Variants in CAMTA1 observed in about 807,000 individuals in gnomAD.
CAMTA1 encodes the protein calmodulin binding transcription activator 1.
In CAMTA1, 27 loss-of-function variants were observed where a neutral mutation model predicts 170.9. The ratio of observed to expected loss-of-function variants is 0.16; its 90% CI spans 0.12 to 0.22. CAMTA1 has a LOEUF of 0.22. Ranked by LOEUF, CAMTA1 falls within the 10% of genes least tolerant of loss-of-function variation. CAMTA1 has a pLI of 1.00. For missense variants in CAMTA1, 1,619 were observed against 2,217.2 expected, an observed-to-expected ratio of 0.73 and a Z score of 5.42; for synonymous variants, 833 against 891.5, an observed-to-expected ratio of 0.93 and a Z score of 1.17.
In CAMTA1 at chr1:7,214,498, T is replaced by C. The variant is rs190282482; in HGVS notation, c.303-34993T>C. On this transcript the variant is annotated intron_variant, in intron 4 of 22. Transcript: ENST00000303635. Reference sequence around the variant, plus strand: ...TCTCCTGCCTCAGCCTCCCAAGTAGTGGGGACTATAGGTGCCTACCACCAC... The same window carrying C: ...TCTCCTGCCTCAGCCTCCCAAGTAGCGGGGACTATAGGTGCCTACCACCAC... Among the ~76,000 whole-genome samples, 1,196 of 152,134 alleles carry C rather than the reference T, an allele frequency of 7.9e-3. 16 individuals are homozygous for C. The highest frequency in any genetic ancestry group is 0.026 in the African/African-American group (1,098 of 41,498).
intron 3 of CAMTA1, among the ~76,000 whole-genome samples, chr1:7,060,671 T>C (rs1708070105): frequency 6.6e-6 from 1 of 152,120 alleles, no homozygotes; most frequent in South Asian, 2.1e-4. Context: ...GCCCCTGAGG[T>C]GCTCACGGCC....
chr1:7,159,451 C>A (rs1214111296), intron 4 of CAMTA1, among the ~76,000 whole-genome samples: 1 of 152,152 alleles, frequency 6.6e-6, no homozygotes, highest in Admixed American at 6.6e-5. Context: ...CCATGCCCCA[C>A]AGGCTACCGA....
chr1:7,690,661 C>G (rs1439551077), intron 11 of CAMTA1, among the ~76,000 whole-genome samples: 1 of 152,256 alleles, frequency 6.6e-6, no homozygotes, highest in African/African-American at 2.4e-5. Context: ...TGCACATGCA[C>G]CACCTGCCAG....
At chr1:7,280,364 C>T (rs1243367724) in intron 5 of CAMTA1, among the ~76,000 whole-genome samples, 1 of 152,230 alleles carries the variant, frequency 6.6e-6, no homozygotes, top group Non-Finnish European at 1.5e-5. Context: ...CCCAAGCTCC[C>T]TGCTTATAGG....
chr1:7,397,301 T>C (rs1170766907), intron 5 of CAMTA1, among the ~76,000 whole-genome samples: 3 of 152,182 alleles, frequency 2.0e-5, no homozygotes, highest in Admixed American at 2.0e-4. Flanking sequence ...TAGTCTCTTA[T>C]GATCCTTTGT....
chr1:6,830,634 C>T (rs371555222), intron 3 of CAMTA1, among the ~76,000 whole-genome samples: 2 of 152,062 alleles, frequency 1.3e-5, no homozygotes, highest in African/African-American at 4.8e-5. Flanking sequence ...TGAGCCACGG[C>T]GCCCAGCTTA....
chr1:7,093,161 G>C lies in CAMTA1; in HGVS notation c.302+1790G>C, dbSNP rs1371794940. On this transcript the variant is annotated intron_variant, in intron 4 of 22. Transcript: ENST00000303635. This position sits in a 1 kb window ranked among gnomAD's most constrained non-coding sequence, Gnocchi z 4.6. ...CTTGGAGGACATCATTCTCAAACTTGAGCAGGCATCAGAATCAGCTGAGGG... is the reference window on the plus strand; with the variant it reads ...CTTGGAGGACATCATTCTCAAACTTCAGCAGGCATCAGAATCAGCTGAGGG... Among the ~76,000 whole-genome samples, 1 of 152,136 alleles carries C rather than the reference G, an allele frequency of 6.6e-6. No individual in the cohort carries two copies. Among genetic ancestry groups the C allele is most frequent in the African/African-American group, 2.4e-5 (1 of 41,422 alleles).
rs1008094622 is a variant in CAMTA1 at position 7,295,935 on chromosome 1, C to A, written c.438+46309C>A. Among the ~76,000 whole-genome samples, 5 of 152,242 alleles carry A rather than the reference C, an allele frequency of 3.3e-5. 1 individual carries two copies. The South Asian group carries it at 1.0e-3, about 32-fold the overall frequency. On this transcript the variant is annotated intron_variant, in intron 5 of 22. Coordinates refer to ENST00000303635, the MANE Select transcript of CAMTA1 (RefSeq NM_015215.4). ...GCATAGCTCTGCTGATCCTCCCACT[C>A]AGGGCTCCTTACAAGGCTACCGAAA...
chr1:7,367,710 G>A (rs998232820), intron 5 of CAMTA1, among the ~76,000 whole-genome samples: 1 of 152,274 alleles, frequency 6.6e-6, no homozygotes, highest in African/African-American at 2.4e-5. Context: ...CACGATAGAT[G>A]TCATTCACTG....
chr1:7,340,567 T>TCCCTCCCTCCCTCCCG, intron 5 of CAMTA1, among the ~76,000 whole-genome samples: 1 of 66,400 alleles, frequency 1.5e-5, no homozygotes, highest in Non-Finnish European at 2.9e-5. Flanking sequence ...CCTCCCTCCC[T>TCCCTCCCTCCCTCCCG]TCCTTCCTTC....
At chr1:7,477,209 G>C (rs548927882) in intron 6 of CAMTA1, among the ~76,000 whole-genome samples, 1 of 152,134 alleles carries the variant, frequency 6.6e-6, no homozygotes, top group South Asian at 2.1e-4. Context: ...CTTAGAAGCC[G>C]CCTCGAAAGC....
chr1:6,938,293 C>A (rs1685799633), intron 3 of CAMTA1, among the ~76,000 whole-genome samples: 1 of 152,136 alleles, frequency 6.6e-6, no homozygotes, highest in Non-Finnish European at 1.5e-5. Flanking sequence ...AGAGGTACCC[C>A]CCTCAGCTCT....
Position 7,674,387 on chromosome 1 carries a change from A to G in CAMTA1, c.2780-3212A>G, listed in dbSNP as rs568834106. ...AGGTGCTGGGGAAAAGAGGCGACTC[A>G]GGCTTGGGAGAAGATAGGGGAATCC... is the stretch of plus-strand genomic sequence containing the variant. On this transcript the variant is annotated intron_variant, in intron 10 of 22. Transcript: ENST00000303635. This position sits in a 1 kb window ranked among gnomAD's most constrained non-coding sequence, Gnocchi z 4.1. Among the ~76,000 whole-genome samples the G allele has an allele frequency of 6.6e-6, 1 of 152,242 alleles. No individual in the cohort carries two copies. The highest frequency in any genetic ancestry group is 2.1e-4 in the South Asian group (1 of 4,820).
At chr1:7,675,915 C>T (rs909226782) in intron 10 of CAMTA1, among the ~76,000 whole-genome samples, 2 of 152,212 alleles carry the variant, frequency 1.3e-5, no homozygotes, top group Non-Finnish European at 2.9e-5. Flanking sequence ...GAAGAAATGC[C>T]TTGGAGTCTG....
At position 7,249,608 on chromosome 1, in the gene CAMTA1, C is replaced by G; in HGVS notation, c.420C>G (p.Leu140=). Residue 140 remains leucine, a synonymous_variant, in exon 5 of 23, where the codon CTC becomes CTG. Transcript: ENST00000303635. This position sits in a 1 kb window ranked among gnomAD's most constrained non-coding sequence, Gnocchi z 4.4. The stretch of plus-strand genomic sequence containing the variant: ...CGACCAGAGAGGACCACATGAAACT[C>G]AAGGTCCAGGGAGTGGAGGTAAACA... ...GKTTREDHMK[L]KVQGVECLYG... The G allele has an allele frequency of 6.2e-7, 1 of 1,614,068 alleles. No homozygotes were observed. The highest frequency in any genetic ancestry group is 8.5e-7 in the Non-Finnish European group (1 of 1,180,002).
intron 5 of CAMTA1, among the ~76,000 whole-genome samples, chr1:7,258,106 G>C (rs1667679162): frequency 6.6e-6 from 1 of 152,156 alleles, no homozygotes; most frequent in African/African-American, 2.4e-5. Flanking sequence ...CCCAGATCTG[G>C]TGCCGTTAGA....
At position 7,664,383 on chromosome 1, in the gene CAMTA1, C is replaced by G; in HGVS notation, c.1836C>G (p.Pro612=). Reference sequence around the variant, plus strand: ...ACAGCCCCCACATCCACCAGACCCCCTCCCCGAGCTTCTTCCTGCAGGACG... The same window carrying G: ...ACAGCCCCCACATCCACCAGACCCCGTCCCCGAGCTTCTTCCTGCAGGACG... ...TGHSPHIHQT[P]SPSFFLQDAS... The change falls in exon 9 of 23, where the codon CCC becomes CCG. Residue 612 remains proline, a synonymous_variant. Coordinates refer to ENST00000303635, the MANE Select transcript of CAMTA1 (RefSeq NM_015215.4). 1 of 1,613,766 alleles carries G rather than the reference C, an allele frequency of 6.2e-7. No homozygotes were observed. The highest frequency in any genetic ancestry group is 8.5e-7 in the Non-Finnish European group (1 of 1,180,000).
At chr1:7,086,322 G>A (rs532222280) in intron 3 of CAMTA1, among the ~76,000 whole-genome samples, 2 of 152,206 alleles carry the variant, frequency 1.3e-5, no homozygotes, top group East Asian at 1.9e-4. Flanking sequence ...ACGCACACAC[G>A]TGGTCCTTAG....
At chr1:7,320,661 T>G (rs1039464171) in intron 5 of CAMTA1, among the ~76,000 whole-genome samples, 43 of 149,772 alleles carry the variant, frequency 2.9e-4, no homozygotes, top group Middle Eastern at 6.8e-3. Context: ...TTTTTTTTTT[T>G]TTTTTTTTTT....
Sources: allele counts gnomAD v4.1 joint callset (sites outside exome capture counted in the v4.1 genomes callset), GRCh38; gene constraint gnomAD v4.1.1; non-coding constraint Gnocchi (gnomAD v3.1); transcripts MANE v1.5; gene names NCBI Gene and HGNC (gene_info 2026-07-23, HGNC 2026-07-21).